ASXL2: variants seen among roughly 807,000 people sequenced by gnomAD.
ASXL2 encodes the protein putative Polycomb group protein ASXL2.
In ASXL2, 23 loss-of-function variants were observed where a neutral mutation model predicts 122.0. That is an observed-to-expected ratio of 0.19 (90% CI 0.14 to 0.27). The LOEUF is 0.27. Among genes scored for constraint, ASXL2 ranks in the 10% least tolerant of loss-of-function variants. The pLI is 1.00. For missense variants in ASXL2, 1,518 were observed against 1,713.8 expected, an observed-to-expected ratio of 0.89 and a Z score of 2.02; for synonymous variants, 650 against 637.0, an observed-to-expected ratio of 1.02 and a Z score of -0.31.
chr2:25,777,610 G>A (rs1218062527), intron 5 of ASXL2, among the ~76,000 whole-genome samples: 2 of 151,786 alleles, frequency 1.3e-5, no homozygotes, highest in Non-Finnish European at 2.9e-5. Context: ...GAGACTTAAA[G>A]ATTTAAACTT....
chr2:25,813,520 C>T (rs1198056478), intron 3 of ASXL2, among the ~76,000 whole-genome samples: 1 of 152,102 alleles, frequency 6.6e-6, no homozygotes, highest in Non-Finnish European at 1.5e-5. Flanking sequence ...GAGTTTGGTG[C>T]TAAATGTATG....
At chr2:25,845,279 T>G in intron 2 of ASXL2, 2 of 813,062 alleles carry the variant, frequency 2.5e-6, no homozygotes, top group Non-Finnish European at 3.9e-6. Flanking sequence ...CTCTAAGAAT[T>G]GGTTTTAAAA....
intron 3 of ASXL2, among the ~76,000 whole-genome samples, chr2:25,833,564 C>T (rs1362628123): frequency 6.6e-6 from 1 of 152,048 alleles, no homozygotes; most frequent in African/African-American, 2.4e-5. Flanking sequence ...GGCGTGGTAG[C>T]GTGCGCCTGT....
chr2:25,743,542 G>A lies in ASXL2; in HGVS notation c.2795C>T (p.Ser932Phe). The A allele has an allele frequency of 1.2e-6, 2 of 1,614,016 alleles. No individual in the cohort carries two copies. The highest frequency in any genetic ancestry group is 1.7e-6 in the Non-Finnish European group (2 of 1,179,892). The change falls in exon 13 of 13, where the codon TCT becomes TTT. Residue 932 changes from serine (S) to phenylalanine (F), a missense_variant. Physicochemically the swap from Ser to Phe is radical, Grantham distance 155. Coordinates refer to ENST00000435504, the MANE Select transcript of ASXL2 (RefSeq NM_018263.6). ...TAAAGTGGGTCCATTCATGTTTAAA[G>A]AAGTTCCTGGGGTTTTAAGGCTAGA... ...AASSLKTPGT[S>F]LNMNGPTLRP...
chr2:25,846,122 T>C (rs999034238), intron 1 of ASXL2, among the ~76,000 whole-genome samples: 1 of 152,210 alleles, frequency 6.6e-6, no homozygotes, highest in Admixed American at 6.5e-5. Flanking sequence ...AACCCGGAAC[T>C]GCAGACTAAG....
At chr2:25,831,109 C>T (rs1383254370) in intron 3 of ASXL2, among the ~76,000 whole-genome samples, 1 of 152,072 alleles carries the variant, frequency 6.6e-6, no homozygotes, top group Admixed American at 6.5e-5. Context: ...CACTTGAGGT[C>T]AGGAGTTCGA....
chr2:25,810,280 C>T (rs989086868), intron 3 of ASXL2: 34 of 634,680 alleles, frequency 5.4e-5, no homozygotes, highest in South Asian at 4.5e-4. Flanking sequence ...AACTTACGAG[C>T]CACCTCTTCA....
At chr2:25,855,575 A>T (rs1022660954) in intron 1 of ASXL2, among the ~76,000 whole-genome samples, 3 of 152,174 alleles carry the variant, frequency 2.0e-5, no homozygotes, top group African/African-American at 7.2e-5. Flanking sequence ...CTGAGGCAGG[A>T]GAATCACTTG....
chr2:25,739,443 C>T lies in ASXL2; in HGVS notation c.*2586G>A, dbSNP rs2087791047. The T allele has an allele frequency of 1.1e-5, 2 of 180,396 alleles. No homozygotes were observed. 11.2% of individuals were successfully genotyped at this position (180,396 alleles called of 1,614,324 possible). On this transcript the variant is annotated 3_prime_UTR_variant, in exon 13 of 13. Coordinates refer to ENST00000435504, the MANE Select transcript of ASXL2 (RefSeq NM_018263.6). ...TCCACTTGAAACCTCTGTGTTGAAA[C>T]CAACTGATAAATAGACTGGTATTCA...
intron 5 of ASXL2, among the ~76,000 whole-genome samples, chr2:25,791,423 G>C (rs894145064): frequency 6.6e-6 from 1 of 151,442 alleles, no homozygotes; most frequent in African/African-American, 2.4e-5. Context: ...CGATGGGGAG[G>C]TTGCAGTGAG....
At chr2:25,860,218 G>C (rs2089827268) in intron 1 of ASXL2, among the ~76,000 whole-genome samples, 1 of 151,976 alleles carries the variant, frequency 6.6e-6, no homozygotes, top group Admixed American at 6.6e-5. Context: ...GGCTAAGGCA[G>C]GAGAATCACT....
At chr2:25,815,146 G>A (rs1205184749) in intron 3 of ASXL2, among the ~76,000 whole-genome samples, 3 of 152,100 alleles carry the variant, frequency 2.0e-5, no homozygotes, top group Non-Finnish European at 4.4e-5. Flanking sequence ...TGAAGCCAGA[G>A]TAACCTTTTA....
intron 1 of ASXL2, among the ~76,000 whole-genome samples, chr2:25,877,682 G>A (rs187926452): frequency 6.6e-6 from 1 of 152,306 alleles, no homozygotes; most frequent in East Asian, 1.9e-4. Flanking sequence ...AGACAAACAG[G>A]GGGCCCGGGG....
In ASXL2 at chr2:25,818,014, T is replaced by C. The variant is rs529897530; in HGVS notation, c.144-11677A>G. ...TGGTAATGATTTTTAGGGGAAAAAT[T>C]AGCTCTTCACTTAAAACACATTAAT... is the stretch of plus-strand genomic sequence containing the variant. On this transcript the variant is annotated intron_variant, in intron 3 of 12. Transcript: ENST00000435504. Among the ~76,000 whole-genome samples, 55 of 152,350 alleles carry C rather than the reference T, an allele frequency of 3.6e-4. 1 individual carries two copies. The highest frequency in any genetic ancestry group is 3.5e-3 in the South Asian group (17 of 4,830).
At chr2:25,826,519 T>C (rs1174086300) in intron 3 of ASXL2, among the ~76,000 whole-genome samples, 7 of 152,304 alleles carry the variant, frequency 4.6e-5, no homozygotes, top group Admixed American at 1.3e-4. Flanking sequence ...ATCCAACTTA[T>C]TTGATCCTAG....
chr2:25,843,342 T>C (rs2089610486), intron 2 of ASXL2, among the ~76,000 whole-genome samples: 1 of 150,466 alleles, frequency 6.6e-6, no homozygotes, highest in African/African-American at 2.4e-5. Context: ...TTTTACCATG[T>C]TGCCCAGGCT....
rs768177917 is a variant in ASXL2 at position 25,845,464 on chromosome 2, A to G, written c.140+17T>C. The G allele has an allele frequency of 4.3e-6, 6 of 1,407,656 alleles. No homozygotes were observed. The African/African-American group carries it at 8.9e-5, about 21-fold the overall frequency. The allele number at this position is 1,407,656 out of a possible 1,614,324, so 87.2% of individuals were successfully genotyped here. ...TCAAGTATTATAATTATTACTAAAA[A>G]TATTTAAATAACTCACCTGATTTCT... is the stretch of plus-strand genomic sequence containing the variant. On this transcript the variant is annotated intron_variant, in intron 2 of 12. Transcript: ENST00000435504.
intron 3 of ASXL2, among the ~76,000 whole-genome samples, chr2:25,834,965 G>C (rs1282799386): frequency 6.6e-6 from 1 of 152,014 alleles, no homozygotes; most frequent in Non-Finnish European, 1.5e-5. Flanking sequence ...TGGGATTACG[G>C]GCGCCGGCCA....
chr2:25,864,482 G>T (rs545623663), intron 1 of ASXL2, among the ~76,000 whole-genome samples: 2 of 152,070 alleles, frequency 1.3e-5, no homozygotes, highest in Non-Finnish European at 2.9e-5. Flanking sequence ...ACTTTTAGTG[G>T]CAGGTGACCT....
Sources: gnomAD v4.1 joint callset for allele counts (sites outside exome capture counted in the v4.1 genomes callset) on GRCh38, gnomAD v4.1.1 for gene constraint, MANE v1.5 for transcripts, NCBI Gene and HGNC (gene_info 2026-07-23, HGNC 2026-07-21) for gene names.